Variants in ATP9B observed in about 807,000 individuals in gnomAD.
ATP9B encodes the protein ATPase phospholipid transporting 9B.
Under a neutral mutation model 146.1 loss-of-function variants are expected in ATP9B, and 110 were observed. The observed-to-expected ratio is 0.75, with a 90% CI of 0.65 to 0.88. The LOEUF is 0.88. ATP9B is among the 40% of genes least tolerant of loss of function. The probability of loss-of-function intolerance (pLI) is 0.00; values close to 1 mark genes in which losing one functional copy is unlikely to be tolerated. For synonymous variants in ATP9B, 604 were observed against 569.7 expected, an observed-to-expected ratio of 1.06 and a Z score of -0.86; for missense variants, 1,499 against 1,496.4, an observed-to-expected ratio of 1.00 and a Z score of -0.03.
At chr18:79,200,146 A>G (rs997058770) in intron 9 of ATP9B, among the ~76,000 whole-genome samples, 66 of 152,330 alleles carry the variant, frequency 4.3e-4, no homozygotes, top group African/African-American at 1.4e-3. Flanking sequence ...CACCGTCACC[A>G]CAAACACGTG....
At chr18:79,108,359 A>C (rs775547250) in intron 2 of ATP9B, among the ~76,000 whole-genome samples, 11 of 152,212 alleles carry the variant, frequency 7.2e-5, no homozygotes, top group African/African-American at 9.6e-5. Flanking sequence ...ATTTTATTGA[A>C]ATCTACTTGA....
chr18:79,250,655 A>G (rs2096013486), intron 11 of ATP9B, among the ~76,000 whole-genome samples: 1 of 152,232 alleles, frequency 6.6e-6, no homozygotes, highest in African/African-American at 2.4e-5. Flanking sequence ...AAATTGCACG[A>G]TATTTGTCCT....
At chr18:79,215,877 A>G (rs986461624) in intron 11 of ATP9B, among the ~76,000 whole-genome samples, 17 of 152,110 alleles carry the variant, frequency 1.1e-4, no homozygotes, top group African/African-American at 4.1e-4. Flanking sequence ...TTTAGTAGAG[A>G]TGGGGTTTCA....
Position 79,126,351 on chromosome 18 carries a change from C to A in ATP9B, c.643C>A (p.Leu215Ile). Residue 215 changes from leucine to isoleucine, a missense_variant, in exon 5 of 30, where the codon CTA (leucine) becomes ATA (isoleucine). Coordinates refer to ENST00000426216, the MANE Select transcript of ATP9B (RefSeq NM_198531.5). Reference protein sequence around the residue: ...FQRDKEVNSQLYSKLTVRGKV... With the variant: ...FQRDKEVNSQIYSKLTVRGKV... ...GCGTGACAAGGAAGTGAATTCACAA[C>A]TATATAGCAAGCTTACAGTAAGAGG... 2.5e-6 allele frequency: 4 copies of A among 1,611,084 alleles called. No individual in the cohort carries two copies. The highest frequency in any genetic ancestry group is 3.4e-6 in the Non-Finnish European group (4 of 1,177,982).
rs1262664506 is a variant in ATP9B at position 79,256,257 on chromosome 18, C to CCATATATATATATATATATATATATA, written c.1268+2716_1268+2717insCATATATATATATATATATATATATA. 1.3e-3 allele frequency among the ~76,000 whole-genome samples: 134 copies of CCATATATATATATATATATATATATA among 100,342 alleles called. 2 individuals carry two copies. The highest frequency in any genetic ancestry group is 4.5e-3 in the Middle Eastern group (1 of 220). The allele number at this position is 100,342 out of a possible 152,430, so 65.8% of individuals were successfully genotyped here. Reference sequence around the variant, plus strand: ...ATGCCATTTTGTGAATTCTAGCTAGCTATATATATATATATATATATATAT... The same window carrying CCATATATATATATATATATATATATA: ...ATGCCATTTTGTGAATTCTAGCTAGCCATATATATATATATATATATATATATATATATATATATATATATATATAT... On this transcript the variant is annotated intron_variant, in intron 12 of 29. Coordinates refer to ENST00000426216, the MANE Select transcript of ATP9B (RefSeq NM_198531.5).
chr18:79,215,651 T>C, intron 11 of ATP9B, among the ~76,000 whole-genome samples: 1 of 152,236 alleles, frequency 6.6e-6, no homozygotes, highest in East Asian at 1.9e-4. Flanking sequence ...ATGTGTTTTC[T>C]GATAAGTGCT....
chr18:79,256,320 A>G (rs370904654), intron 12 of ATP9B, among the ~76,000 whole-genome samples: 83 of 137,366 alleles, frequency 6.0e-4, no homozygotes, highest in Admixed American at 2.3e-4. Context: ...TTAGTTGCCT[A>G]TAGGTTTAGA....
intron 10 of ATP9B, among the ~76,000 whole-genome samples, chr18:79,211,058 A>G (rs887403762): frequency 6.6e-6 from 1 of 152,206 alleles, no homozygotes; most frequent in Non-Finnish European, 1.5e-5. Flanking sequence ...TTATCTGCAA[A>G]TTAAACATAT....
chr18:79,334,785 C>T (rs1057243559), intron 17 of ATP9B, among the ~76,000 whole-genome samples: 13 of 142,630 alleles, frequency 9.1e-5, no homozygotes, highest in African/African-American at 3.5e-4. Flanking sequence ...AGACGCCCAC[C>T]CCCCCCTTGT....
chr18:79,137,472 A>T (rs1447372650), intron 5 of ATP9B, among the ~76,000 whole-genome samples: 2 of 152,166 alleles, frequency 1.3e-5, no homozygotes, highest in East Asian at 3.9e-4. Context: ...CATTGGACAG[A>T]TCTGGGGCAT....
rs116103771 is a variant in ATP9B at position 79,170,073 on chromosome 18, C to G, written c.779-6740C>G. Among the ~76,000 whole-genome samples, 753 of 152,288 alleles carry G rather than the reference C, an allele frequency of 4.9e-3. 3 individuals are homozygous for G. The highest frequency in any genetic ancestry group is 0.018 in the African/African-American group (731 of 41,546). Reference sequence around the variant, plus strand: ...TGATCACTTGCAAGCTGACTGAGCTCAGACTGTCTCTTGCTCTGGAGAGGG... The same window carrying G: ...TGATCACTTGCAAGCTGACTGAGCTGAGACTGTCTCTTGCTCTGGAGAGGG... On this transcript the variant is annotated intron_variant, in intron 7 of 29. Coordinates refer to ENST00000426216, the MANE Select transcript of ATP9B (RefSeq NM_198531.5).
At chr18:79,084,357 C>T (rs1253644673) in intron 1 of ATP9B, among the ~76,000 whole-genome samples, 1 of 152,004 alleles carries the variant, frequency 6.6e-6, no homozygotes, top group African/African-American at 2.4e-5. Context: ...AGTTTTTTCA[C>T]TGTGGTAAAA....
intron 9 of ATP9B, among the ~76,000 whole-genome samples, chr18:79,195,287 G>C (rs564886531): frequency 4.6e-5 from 7 of 152,124 alleles, no homozygotes; most frequent in Admixed American, 2.6e-4. Flanking sequence ...TTGCTGTCTC[G>C]CCCAGGCTAG....
At chr18:79,212,665 A>G (rs993573498) in intron 10 of ATP9B, among the ~76,000 whole-genome samples, 7 of 152,186 alleles carry the variant, frequency 4.6e-5, no homozygotes, top group African/African-American at 1.4e-4. Context: ...AAGTAATTCT[A>G]TGATCTCCTT....
Position 79,176,903 on chromosome 18 carries a change from T to G in ATP9B, c.869T>G (p.Leu290Arg). The G allele has an allele frequency of 6.2e-7, 1 of 1,613,938 alleles. No individual in the cohort carries two copies. Among genetic ancestry groups the G allele is most frequent in the Non-Finnish European group, 8.5e-7 (1 of 1,179,824 alleles). Residue 290 changes from leucine to arginine, a missense_variant, in exon 8 of 30, where the codon CTG becomes CGG. Physicochemically the swap from Leu to Arg is moderately radical, Grantham distance 102 (BLOSUM62 -2). Coordinates refer to ENST00000426216, the MANE Select transcript of ATP9B (RefSeq NM_198531.5). ...AGCTGCACGCAACAGCTGCCGGCTC[T>G]GGGGGTGAGCAGCACCAAGACTACT... ...AVSCTQQLPALGDLFSISAYV... is the reference protein window; with the variant it reads ...AVSCTQQLPARGDLFSISAYV...
chr18:79,176,907 G>T lies in ATP9B; in HGVS notation c.873G>T (p.Gly291=). 6.2e-7 allele frequency: 1 copy of T among 1,613,608 alleles called. No individual in the cohort carries two copies. The highest frequency in any genetic ancestry group is 8.5e-7 in the Non-Finnish European group (1 of 1,179,654). ...VSCTQQLPAL[G]DLFSISAYVY... ...GCACGCAACAGCTGCCGGCTCTGGG[G>T]GTGAGCAGCACCAAGACTACTCCAT... Residue 291 remains glycine (G), a splice_region_variant and synonymous_variant, in exon 8 of 30, where the codon GGG becomes GGT. Coordinates refer to ENST00000426216, the MANE Select transcript of ATP9B (RefSeq NM_198531.5).
At chr18:79,150,218 A>G (rs1468372272) in intron 6 of ATP9B, among the ~76,000 whole-genome samples, 1 of 152,258 alleles carries the variant, frequency 6.6e-6, no homozygotes, top group Non-Finnish European at 1.5e-5. Context: ...GACAATACCA[A>G]ATATTGGAAA....
At chr18:79,338,970 A>G (rs903825581) in intron 19 of ATP9B, among the ~76,000 whole-genome samples, 2 of 152,248 alleles carry the variant, frequency 1.3e-5, no homozygotes, top group Non-Finnish European at 2.9e-5. Flanking sequence ...ATGCTGTGCC[A>G]TGGACAGAAA....
chr18:79,269,984 G>A (rs2096240082), intron 12 of ATP9B, among the ~76,000 whole-genome samples: 2 of 152,206 alleles, frequency 1.3e-5, no homozygotes, highest in Non-Finnish European at 2.9e-5. Context: ...CCTCCTTGCG[G>A]CCTTTAGCCG....
Sources: gnomAD v4.1 joint callset for allele counts (sites outside exome capture counted in the v4.1 genomes callset) on GRCh38, gnomAD v4.1.1 for gene constraint, MANE v1.5 for transcripts, NCBI Gene and HGNC (gene_info 2026-07-23, HGNC 2026-07-21) for gene names.